MAST4: variants seen among roughly 807,000 people sequenced by gnomAD.
MAST4 encodes the protein microtubule associated serine/threonine kinase family member 4, also known as microtubule-associated serine/threonine-protein kinase 4.
In MAST4, 89 loss-of-function variants were observed where a neutral mutation model predicts 162.7. The observed-to-expected ratio is 0.55, with a 90% CI of 0.46 to 0.65. The LOEUF (loss-of-function observed/expected upper bound fraction) is 0.65, where lower values mean the gene tolerates loss of function less well. MAST4 is among the 30% of genes least tolerant of loss of function. The pLI, the probability that MAST4 is intolerant of heterozygous loss-of-function variation, is 0.00. For synonymous variants in MAST4, 1,479 were observed against 1,361.1 expected (o/e 1.09, Z -1.91); for missense variants, 3,153 against 3,374.0 (o/e 0.93, Z 1.62).
At chr5:66,950,471 A>G (rs191179570) in intron 4 of MAST4, among the ~76,000 whole-genome samples, 22 of 152,164 alleles carry the variant, frequency 1.4e-4, no homozygotes, top group Admixed American at 3.9e-4. Flanking sequence ...CTTTGTCTCT[A>G]TGAATTTGAC....
intron 3 of MAST4, among the ~76,000 whole-genome samples, chr5:66,858,577 T>C (rs922518680): frequency 2.0e-5 from 3 of 152,234 alleles, no homozygotes; most frequent in African/African-American, 7.2e-5. Flanking sequence ...CAACTGCAGT[T>C]TTGTAATCAA....
intron 1 of MAST4, among the ~76,000 whole-genome samples, chr5:66,649,278 G>T (rs10447106): frequency 1.3e-5 from 2 of 151,972 alleles, no homozygotes; most frequent in African/African-American, 2.4e-5. Flanking sequence ...TTGTCTGTCA[G>T]GTAAATGGAT....
At chr5:66,685,410 T>A (rs1748593409) in intron 1 of MAST4, among the ~76,000 whole-genome samples, 1 of 151,960 alleles carries the variant, frequency 6.6e-6, no homozygotes, top group South Asian at 2.1e-4. Flanking sequence ...GATCAGAATA[T>A]AAAAGAGCTG....
At chr5:67,067,246 G>T (rs78162154) in intron 5 of MAST4, among the ~76,000 whole-genome samples, 1,535 of 152,264 alleles carry the variant, frequency 0.01, 29 homozygotes, top group African/African-American at 0.035. Context: ...ACACTGGACC[G>T]CAGGGTAAAA....
chr5:66,751,668 T>C (rs1282141282), intron 1 of MAST4, among the ~76,000 whole-genome samples: 1 of 150,654 alleles, frequency 6.6e-6, no homozygotes, highest in East Asian at 1.9e-4. Flanking sequence ...CTATGTCTGA[T>C]TGGTGTACCT....
intron 4 of MAST4, among the ~76,000 whole-genome samples, chr5:67,051,820 T>C (rs181669323): frequency 6.6e-6 from 1 of 152,316 alleles, no homozygotes. Context: ...ACAGATTTAT[T>C]TCATGTACAT....
At chr5:66,846,943 T>A (rs1275807870) in intron 3 of MAST4, among the ~76,000 whole-genome samples, 1 of 152,212 alleles carries the variant, frequency 6.6e-6, no homozygotes, top group Non-Finnish European at 1.5e-5. Flanking sequence ...AACGTGTGGT[T>A]TCCTGGTGGT....
At chr5:67,008,280 A>G (rs1040757272) in intron 4 of MAST4, among the ~76,000 whole-genome samples, 3 of 152,254 alleles carry the variant, frequency 2.0e-5, no homozygotes, top group African/African-American at 7.2e-5. Context: ...TTTCAGTTTC[A>G]TAGGTCTGTG....
intron 3 of MAST4, among the ~76,000 whole-genome samples, chr5:66,848,716 ATTTC>A (rs1177242260): frequency 1.3e-5 from 2 of 151,994 alleles, no homozygotes; most frequent in Admixed American, 6.6e-5. Flanking sequence ...AAAATTCTCT[ATTTC>A]TTTTCCTTCT....
chr5:66,791,216 G>A (rs934312735), intron 3 of MAST4, among the ~76,000 whole-genome samples: 7 of 152,182 alleles, frequency 4.6e-5, no homozygotes, highest in Non-Finnish European at 8.8e-5. Context: ...TAGAGACGGC[G>A]TTTTGCCACG....
chr5:66,743,843 T>C (rs1482934233), intron 1 of MAST4, among the ~76,000 whole-genome samples: 1 of 152,226 alleles, frequency 6.6e-6, no homozygotes, highest in African/African-American at 2.4e-5. Flanking sequence ...TAGATATTTA[T>C]TACAATTGCA....
Position 66,915,964 on chromosome 5 carries a change from T to G in MAST4, c.674+15982T>G, listed in dbSNP as rs181549427. ...GGGAGTGTTTCTAGCATTACCATCATTAGCTTAGACCTGCGTTGTCCAGTG... is the reference window on the plus strand; with the variant it reads ...GGGAGTGTTTCTAGCATTACCATCAGTAGCTTAGACCTGCGTTGTCCAGTG... On this transcript the variant is annotated intron_variant, in intron 4 of 28. Coordinates refer to ENST00000403625, the MANE Select transcript of MAST4 (RefSeq NM_001164664.2). Among the ~76,000 whole-genome samples, 273 of 152,346 alleles carry G rather than the reference T, an allele frequency of 1.8e-3. 1 individual carries two copies. Among genetic ancestry groups the G allele is most frequent in the African/African-American group, 6.3e-3 (260 of 41,580 alleles).
intron 5 of MAST4, among the ~76,000 whole-genome samples, chr5:67,064,070 C>T (rs1006584390): frequency 6.6e-6 from 1 of 152,088 alleles, no homozygotes; most frequent in Non-Finnish European, 1.5e-5. Context: ...CAGAGGTTGC[C>T]TCTGTGTTGG....
At chr5:66,865,201 T>G (rs897086106) in intron 3 of MAST4, among the ~76,000 whole-genome samples, 1 of 152,240 alleles carries the variant, frequency 6.6e-6, no homozygotes, top group Admixed American at 6.5e-5. Context: ...TTGCAGTCCC[T>G]GTTTGACATC....
intron 1 of MAST4, among the ~76,000 whole-genome samples, chr5:66,705,315 C>A (rs1428139432): frequency 6.6e-6 from 1 of 152,142 alleles, no homozygotes; most frequent in Admixed American, 6.5e-5. Flanking sequence ...AATGATAACA[C>A]CAGAAACCTC....
chr5:66,958,957 T>TA (rs397965332), intron 4 of MAST4: 12,557 of 306,236 alleles, frequency 0.041, 98 homozygotes, highest in African/African-American at 0.071. Flanking sequence ...CGACTTTCTT[T>TA]AAAAAAAAAA....
At chr5:66,628,414 GA>G in intron 1 of MAST4, among the ~76,000 whole-genome samples, 1 of 151,526 alleles carries the variant, frequency 6.6e-6, no homozygotes, top group Non-Finnish European at 1.5e-5. Context: ...GATGTAGGGG[GA>G]AAATGCTGCT....
chr5:67,153,645 G>C, intron 26 of MAST4, 65 bp downstream of exon 26: 2 of 1,435,364 alleles, frequency 1.4e-6, no homozygotes, highest in South Asian at 1.5e-5. Flanking sequence ...CTAGTACCAG[G>C]AGATTGATTT....
intron 4 of MAST4, among the ~76,000 whole-genome samples, chr5:67,027,418 A>G (rs184889372): frequency 1.1e-4 from 17 of 152,268 alleles, no homozygotes; most frequent in African/African-American, 4.1e-4. Flanking sequence ...TTGTGCACAT[A>G]AGGATCTGGA....
Sources: allele counts gnomAD v4.1 joint callset (sites outside exome capture counted in the v4.1 genomes callset), GRCh38; gene constraint gnomAD v4.1.1; transcripts MANE v1.5; gene names NCBI Gene and HGNC (gene_info 2026-07-23, HGNC 2026-07-21).